AKT1: variants seen among roughly 807,000 people sequenced by gnomAD.
The protein encoded by AKT1 is RAC-alpha serine/threonine-protein kinase.
A neutral mutation model predicts 63.1 loss-of-function variants in AKT1; 21 were observed. That is an observed-to-expected ratio of 0.33 (90% confidence interval 0.24 to 0.48). The LOEUF is 0.48. AKT1 is among the 20% of genes least tolerant of loss of function. The pLI is 0.99. For missense variants in AKT1, 382 were observed against 666.0 expected (o/e 0.57, Z 4.69); for synonymous variants, 257 against 253.1 (o/e 1.02, Z -0.15).
At position 104,776,876 on chromosome 14, in the gene AKT1, A is replaced by G. The variant is rs572015650; in HGVS notation, c.176-106T>C. 6.8e-4 allele frequency: 597 copies of G among 873,902 alleles called. 4 individuals carry two copies. The highest frequency in any genetic ancestry group is 3.2e-3 in the Middle Eastern group (11 of 3,400). The allele number at this position is 873,902 out of a possible 1,614,324, so 54.1% of individuals were successfully genotyped here. ...CAGCTCCCCTTGCATACCACCCACC[A>G]GGTCCTGGGAAGCCCCATCTCTTCC... On this transcript the variant is annotated intron_variant, in intron 4 of 14. Transcript: ENST00000649815.
intron 3 of AKT1, among the ~76,000 whole-genome samples, chr14:104,784,091 G>A (rs1280416894): frequency 2.0e-5 from 3 of 152,190 alleles, no homozygotes; most frequent in Non-Finnish European, 4.4e-5. Flanking sequence ...TCGGCAGCGG[G>A]GAAGCAGCAG....
At chr14:104,772,547 C>G in intron 12 of AKT1, 95 bp from the exon 13 acceptor site, 6 of 1,281,808 alleles carry the variant, frequency 4.7e-6, no homozygotes, top group Non-Finnish European at 3.3e-6. Flanking sequence ...GCCCGCCAGA[C>G]AGGACGTTCC....
intron 3 of AKT1, among the ~76,000 whole-genome samples, chr14:104,782,648 T>A (rs370059495): frequency 1.7e-3 from 252 of 152,154 alleles, no homozygotes; most frequent in African/African-American, 5.8e-3. Flanking sequence ...GCCCTGGGCT[T>A]TCAGTGCCTT....
intron 3 of AKT1, among the ~76,000 whole-genome samples, chr14:104,782,052 G>A (rs946693724): frequency 1.1e-4 from 16 of 152,248 alleles, no homozygotes; most frequent in East Asian, 9.7e-4. Flanking sequence ...ACGCACATAC[G>A]TGCCACGCAG....
At chr14:104,789,649 G>A (rs1893522943) in intron 3 of AKT1, among the ~76,000 whole-genome samples, 2 of 152,234 alleles carry the variant, frequency 1.3e-5, no homozygotes, top group African/African-American at 4.8e-5. Context: ...GCAAACGTCT[G>A]AGCAACACTG....
In AKT1 at chr14:104,772,367, T is replaced by C. The variant is rs753360468; in HGVS notation, c.1258A>G (p.Lys420Glu). The change falls in exon 13 of 15, where the codon AAG becomes GAG. Residue 420 changes from lysine (K) to glutamate (E), a missense_variant and splice_region_variant. Coordinates refer to ENST00000649815, the MANE Select transcript of AKT1 (RefSeq NM_001382430.1). ...GAATATGCGGGGAGCAGCCGCACCT[T>C]CTTCTCGTACACGTGCTGCCACACG... ...GIVWQHVYEK[K>E]LSPPFKPQVT... 1.2e-6 allele frequency: 2 copies of C among 1,613,776 alleles called. No homozygotes were observed. Among genetic ancestry groups the C allele is most frequent in the Non-Finnish European group, 1.7e-6 (2 of 1,179,952 alleles).
In AKT1 at chr14:104,792,356, C is replaced by A. The variant is rs1258196262; in HGVS notation, c.46+242G>T. ...GCAGCAGCTCCCCCGCCTGCCAGGG[C>A]CCACACCAGGAAGCCACTCAGATGG... On this transcript the variant is annotated intron_variant, in intron 3 of 14. Coordinates refer to ENST00000649815, the MANE Select transcript of AKT1 (RefSeq NM_001382430.1). Among the ~76,000 whole-genome samples the A allele has an allele frequency of 2.6e-5, 4 of 152,274 alleles. No individual in the cohort carries two copies. In the South Asian group the frequency reaches 6.2e-4, roughly 24 times the overall value.
Position 104,774,980 on chromosome 14 carries a change from G to T in AKT1, c.591C>A (p.Thr197=). 1 of 1,612,938 alleles carries T rather than the reference G, an allele frequency of 6.2e-7. No homozygotes were observed. The change falls in exon 8 of 15, where the codon ACC becomes ACA. Residue 197 remains threonine (T), a synonymous_variant. Coordinates refer to ENST00000649815, the MANE Select transcript of AKT1 (RefSeq NM_001382430.1). ...TGGAGTTCTGCAGGACGCGGTTCTCGGTGAGTGTGTGGGCCACCTCGTCCT... is the reference window on the plus strand; with the variant it reads ...TGGAGTTCTGCAGGACGCGGTTCTCTGTGAGTGTGTGGGCCACCTCGTCCT... ...VAKDEVAHTL[T]ENRVLQNSRH...
In AKT1 at chr14:104,779,742, A is replaced by C. The variant is rs1303918934; in HGVS notation, c.175+346T>G. On this transcript the variant is annotated intron_variant, in intron 4 of 14. Coordinates refer to ENST00000649815, the MANE Select transcript of AKT1 (RefSeq NM_001382430.1). ...AGCCAGCCTCGGCCTCGGGACTCGGACCAGAGACCCCCGCCCAGCCAGCCT... is the reference window on the plus strand; with the variant it reads ...AGCCAGCCTCGGCCTCGGGACTCGGCCCAGAGACCCCCGCCCAGCCAGCCT... 4.2e-3 allele frequency among the ~76,000 whole-genome samples: 513 copies of C among 120,810 alleles called. 4 individuals are homozygous for C. The highest frequency in any genetic ancestry group is 0.017 in the African/African-American group (489 of 28,820). 79.3% of individuals were successfully genotyped at this position (120,810 alleles called of 152,430 possible). A position where few individuals can be genotyped will look rare whatever the true frequency, so the allele number is the denominator to read the frequency against.
Position 104,773,030 on chromosome 14 carries a change from G to C in AKT1, c.1020C>G (p.Tyr340Ter), listed in dbSNP as rs144088506. The change falls in exon 12 of 15, where the codon TAC becomes TAG. Residue 340 changes from tyrosine to a stop codon, truncating the protein, a stop_gained. Transcript: ENST00000649815. LOFTEE classifies it high-confidence loss of function. ...AGGGCAGGCGACCGCACATCATCTCGTACATGACCACGCCCAGCCCCCACC... is the reference window on the plus strand; with the variant it reads ...AGGGCAGGCGACCGCACATCATCTCCTACATGACCACGCCCAGCCCCCACC... ...VDWWGLGVVM[Y>*]EMMCGRLPFY... 1 of 1,614,134 alleles carries C rather than the reference G, an allele frequency of 6.2e-7. No homozygotes were observed. The highest frequency in any genetic ancestry group is 8.5e-7 in the Non-Finnish European group (1 of 1,180,024).
chr14:104,775,302 G>A, intron 6 of AKT1, 95 bp from the exon 7 acceptor site: 1 of 1,576,788 alleles, frequency 6.3e-7, no homozygotes, highest in Non-Finnish European at 8.6e-7. Flanking sequence ...AGAGTCGGAG[G>A]CAGAGCCAGG....
At chr14:104,773,624 T>C (rs1291228061) in intron 9 of AKT1, 44 bp from the exon 10 acceptor site, 2 of 1,574,004 alleles carry the variant, frequency 1.3e-6, no homozygotes, top group East Asian at 2.3e-5. Context: ...CTCGGGCCTC[T>C]GCCCCCATGG....
intron 4 of AKT1, 34 bp downstream of exon 4, chr14:104,780,054 A>G: frequency 6.2e-6 from 10 of 1,607,272 alleles, no homozygotes; most frequent in Non-Finnish European, 8.5e-6. Context: ...CAACCCCCCA[A>G]ATCTGAATCC....
At chr14:104,785,079 C>T (rs36214916) in intron 3 of AKT1, among the ~76,000 whole-genome samples, 6,041 of 152,308 alleles carry the variant, frequency 0.04, 227 homozygotes, top group African/African-American at 0.09. Context: ...CGCCAGCTGA[C>T]AGCGGCCACC....
In AKT1 at chr14:104,772,942, G is replaced by A. The variant is rs549370342; in HGVS notation, c.1108C>T (p.Arg370Cys). The change falls in exon 12 of 15, where the codon CGC becomes TGC. Residue 370 changes from arginine (R) to cysteine (C), a missense_variant. By Grantham distance (180) the Arg-to-Cys change is radical. Coordinates refer to ENST00000649815, the MANE Select transcript of AKT1 (RefSeq NM_001382430.1). ...LILMEEIRFP[R>C]TLGPEAKSLL... ...GACTTGGCCTCGGGACCAAGCGTGC[G>A]CGGGAAGCGGATCTCCTCCATGAGG... 25 of 1,614,042 alleles carry A rather than the reference G, an allele frequency of 1.5e-5. No individual in the cohort carries two copies. Among genetic ancestry groups the A allele is most frequent in the Middle Eastern group, 1.7e-4 (1 of 6,054 alleles).
At chr14:104,774,809 A>G in intron 8 of AKT1, 129 bp downstream of exon 8, 1 of 1,037,576 alleles carries the variant, frequency 9.6e-7, no homozygotes, top group South Asian at 1.6e-5. Flanking sequence ...GGCCTGTCTC[A>G]CCAGCGGCGG....
chr14:104,775,472 C>G, intron 6 of AKT1, 180 bp downstream of exon 6: 1 of 1,094,838 alleles, frequency 9.1e-7, no homozygotes, highest in African/African-American at 1.6e-5. Flanking sequence ...CAGTTTTCCT[C>G]TGACATGGGG....
rs1352035994 is a variant in AKT1, at chr14:104,770,827, G to A, written c.1281C>T (p.Pro427=). ...YEKKLSPPFK[P]QVTSETDTRY... ...TGGTGTCAGTCTCCGACGTGACCTG[G>A]GGCTTGAAGGGTGGGCTGAGCTGCA... The change falls in exon 14 of 15, where the codon CCC becomes CCT. Residue 427 remains proline (P), a synonymous_variant. Transcript: ENST00000649815. 1 of 1,614,134 alleles carries A rather than the reference G, an allele frequency of 6.2e-7. No homozygotes were observed. The highest frequency in any genetic ancestry group is 8.5e-7 in the Non-Finnish European group (1 of 1,180,020).
rs1229752019 is a variant in AKT1, at chr14:104,773,542, C to T, written c.741G>A (p.Glu247=). The T allele has an allele frequency of 1.2e-6, 2 of 1,611,646 alleles. No individual in the cohort carries two copies. Among genetic ancestry groups the T allele is most frequent in the Non-Finnish European group, 8.5e-7 (1 of 1,179,022 alleles). ...FHLSRERVFS[E]DRARFYGAEI... ...CAGCGCCATAGAAGCGGGCCCGGTCCTCGGAGAACACACGCTCCCGGGACA... is the reference window on the plus strand; with the variant it reads ...CAGCGCCATAGAAGCGGGCCCGGTCTTCGGAGAACACACGCTCCCGGGACA... The change falls in exon 10 of 15, where the codon GAG becomes GAA. Residue 247 remains glutamate (E), a synonymous_variant. Transcript: ENST00000649815.
Sources: gnomAD v4.1 joint callset for allele counts (sites outside exome capture counted in the v4.1 genomes callset) on GRCh38, gnomAD v4.1.1 for gene constraint, MANE v1.5 for transcripts, NCBI Gene and HGNC (gene_info 2026-07-23, HGNC 2026-07-21) for gene names.